Variants in L2HGDH observed in about 807,000 individuals in gnomAD.
L2HGDH encodes L-2-hydroxyglutarate dehydrogenase, mitochondrial.
In L2HGDH, 34 loss-of-function variants were observed where a neutral mutation model predicts 51.5. The ratio of observed to expected loss-of-function variants is 0.66; its 90% CI spans 0.50 to 0.88. L2HGDH has a LOEUF of 0.88. L2HGDH is among the 40% of genes least tolerant of loss of function. The probability of loss-of-function intolerance (pLI) is 0.00; values close to 1 mark genes in which losing one functional copy is unlikely to be tolerated. For synonymous variants in L2HGDH, 198 were observed against 197.9 expected, an observed-to-expected ratio of 1.00 and a Z score of -0.01; for missense variants, 558 against 571.9, an observed-to-expected ratio of 0.98 and a Z score of 0.25.
chr14:50,293,352 T>C (rs1252266632), intron 4 of L2HGDH: 3 of 687,850 alleles, frequency 4.4e-6, no homozygotes, highest in Non-Finnish European at 7.9e-6. Flanking sequence ...CCAAATGGAC[T>C]GTAGATCTAA....
intron 4 of L2HGDH, among the ~76,000 whole-genome samples, chr14:50,286,545 C>T (rs1890577574): frequency 6.6e-6 from 1 of 152,124 alleles, no homozygotes; most frequent in South Asian, 2.1e-4. Context: ...GTACAATGGG[C>T]ATTTTACCCA....
chr14:50,251,096 T>C (rs1312004055), intron 9 of L2HGDH, among the ~76,000 whole-genome samples: 1 of 152,200 alleles, frequency 6.6e-6, no homozygotes, highest in African/African-American at 2.4e-5. Flanking sequence ...AAAATAGCTG[T>C]TTTGAAGAAA....
At chr14:50,303,728 G>C (rs1852631941) in intron 1 of L2HGDH, among the ~76,000 whole-genome samples, 1 of 149,450 alleles carries the variant, frequency 6.7e-6, no homozygotes, top group Non-Finnish European at 1.5e-5. Context: ...AATGAGCCGA[G>C]GTCATGCCAC....
At chr14:50,300,564 A>AGATT (rs1486258066) in intron 3 of L2HGDH, among the ~76,000 whole-genome samples, 1 of 152,088 alleles carries the variant, frequency 6.6e-6, no homozygotes, top group African/African-American at 2.4e-5. Flanking sequence ...CAAAGTGCTG[A>AGATT]GATTACAGGC....
intron 6 of L2HGDH, among the ~76,000 whole-genome samples, chr14:50,274,149 C>T (rs1006243346): frequency 7.1e-6 from 1 of 141,030 alleles, no homozygotes; most frequent in Non-Finnish European, 1.6e-5. Flanking sequence ...CATGGCAGCA[C>T]GTGCCTGTAA....
chr14:50,269,430 G>T, intron 6 of L2HGDH, 100 bp from the exon 7 acceptor site: 1 of 1,186,624 alleles, frequency 8.4e-7, no homozygotes, highest in Non-Finnish European at 1.2e-6. Context: ...TACAGAAATA[G>T]AATTTTTTCT....
intron 9 of L2HGDH, among the ~76,000 whole-genome samples, chr14:50,261,956 T>C (rs933586667): frequency 6.6e-6 from 1 of 152,154 alleles, no homozygotes; most frequent in African/African-American, 2.4e-5. Context: ...CTTCAGTGGT[T>C]AATGAAATTT....
In L2HGDH at chr14:50,312,221, C is replaced by A; in HGVS notation, c.-71G>T. The A allele has an allele frequency of 2.5e-6, 4 of 1,577,128 alleles. No homozygotes were observed. In the South Asian group the frequency reaches 4.6e-5, roughly 18 times the overall value. On this transcript the variant is annotated 5_prime_UTR_variant, in exon 1 of 10. Transcript: ENST00000267436. Reference sequence around the variant, plus strand: ...GACCCTCCACGGCCGAGGACCCGCGCTCTTTAGCCCCGCCCCTCACGCGGG... The same window carrying A: ...GACCCTCCACGGCCGAGGACCCGCGATCTTTAGCCCCGCCCCTCACGCGGG...
At chr14:50,298,255 G>T (rs1398320920) in intron 3 of L2HGDH, among the ~76,000 whole-genome samples, 1 of 146,052 alleles carries the variant, frequency 6.8e-6, no homozygotes, top group East Asian at 2.1e-4. Flanking sequence ...AAAAAAAAAA[G>T]AAAAATTAGC....
Position 50,244,307 on chromosome 14 carries a change from A to C in L2HGDH, c.*2751T>G, listed in dbSNP as rs1302919810. 1 of 780,868 alleles carries C rather than the reference A, an allele frequency of 1.3e-6. No individual in the cohort carries two copies. Among genetic ancestry groups the C allele is most frequent in the African/African-American group, 1.9e-5 (1 of 53,124 alleles). 48.4% of individuals were successfully genotyped at this position (780,868 alleles called of 1,614,324 possible). On this transcript the variant is annotated 3_prime_UTR_variant, in exon 10 of 10. Coordinates refer to ENST00000267436, the MANE Select transcript of L2HGDH (RefSeq NM_024884.3). ...AGTTTACAGTCCCACCAACAGTGTA[A>C]AAGTGTTCCTATTTCTCCACATCCT...
rs138254023 is a variant in L2HGDH at position 50,307,124 on chromosome 14, C to T, written c.141-4107G>A. 1.3e-3 allele frequency among the ~76,000 whole-genome samples: 193 copies of T among 152,194 alleles called. 1 individual carries two copies. Among genetic ancestry groups the T allele is most frequent in the African/African-American group, 4.4e-3 (184 of 41,548 alleles). ...AGCCACTGCGCCTGGCCCCTTGCTG[C>T]CTTTTGATAATTATAACACAAAAGC... is the stretch of plus-strand genomic sequence containing the variant. On this transcript the variant is annotated intron_variant, in intron 1 of 9. Coordinates refer to ENST00000267436, the MANE Select transcript of L2HGDH (RefSeq NM_024884.3).
intron 4 of L2HGDH, among the ~76,000 whole-genome samples, chr14:50,285,553 G>C (rs1460239218): frequency 6.6e-6 from 1 of 152,190 alleles, no homozygotes; most frequent in East Asian, 1.9e-4. Context: ...AATAATCTTA[G>C]AAGCTCACTT....
chr14:50,257,392 C>T (rs900529897), intron 9 of L2HGDH, among the ~76,000 whole-genome samples: 4 of 147,846 alleles, frequency 2.7e-5, no homozygotes, highest in African/African-American at 1.0e-4. Context: ...TTTTTTGAGA[C>T]AGGGTCTTGC....
At chr14:50,301,982 TG>T (rs756866556) in intron 3 of L2HGDH, 34 bp downstream of exon 3, 2 of 1,609,414 alleles carry the variant, frequency 1.2e-6, no homozygotes, top group South Asian at 2.2e-5. Flanking sequence ...AAATGCTAGT[TG>T]GAAATTAGTC....
At chr14:50,304,299 G>A (rs1185245369) in intron 1 of L2HGDH, among the ~76,000 whole-genome samples, 1 of 152,206 alleles carries the variant, frequency 6.6e-6, no homozygotes, top group Non-Finnish European at 1.5e-5. Flanking sequence ...TGCGGTGCAT[G>A]ACTATACTTT....
Position 50,244,054 on chromosome 14 carries a change from T to C in L2HGDH, c.*3004A>G, listed in dbSNP as rs1887903652. The C allele has an allele frequency of 6.6e-6, 1 of 151,836 alleles. No homozygotes were observed. The highest frequency in any genetic ancestry group is 2.4e-5 in the African/African-American group (1 of 41,334). 9.4% of individuals were successfully genotyped at this position (151,836 alleles called of 1,614,324 possible). A position where few individuals can be genotyped will look rare whatever the true frequency, so the allele number is the denominator to read the frequency against. ...TGCATAGTATTCCATGGTGTATATG[T>C]GCCACATTTTCTTAATCCAGTCTAT... On this transcript the variant is annotated 3_prime_UTR_variant, in exon 10 of 10. Transcript: ENST00000267436.
At chr14:50,250,944 C>T (rs1888313697) in intron 9 of L2HGDH, among the ~76,000 whole-genome samples, 1 of 152,200 alleles carries the variant, frequency 6.6e-6, no homozygotes. Context: ...AAGTACCCAA[C>T]TCTTCAATGC....
chr14:50,306,600 G>GTTT (rs71118864), intron 1 of L2HGDH, among the ~76,000 whole-genome samples: 2 of 133,212 alleles, frequency 1.5e-5, no homozygotes, highest in Non-Finnish European at 3.2e-5. Context: ...TTGTTTTGGG[G>GTTT]TTTTTTTTTT....
intron 8 of L2HGDH, among the ~76,000 whole-genome samples, chr14:50,266,846 T>C (rs892058073): frequency 6.6e-6 from 1 of 152,096 alleles, no homozygotes; most frequent in Non-Finnish European, 1.5e-5. Context: ...GAAACATTGG[T>C]AAAAGGACCA....
Sources: allele counts gnomAD v4.1 joint callset (sites outside exome capture counted in the v4.1 genomes callset), GRCh38; gene constraint gnomAD v4.1.1; transcripts MANE v1.5; gene names NCBI Gene and HGNC (gene_info 2026-07-23, HGNC 2026-07-21).